Variants in PHIP observed in about 807,000 individuals in gnomAD.
The protein encoded by PHIP is PHIP subunit of CUL4-Ring ligase complex.
A neutral mutation model predicts 236.8 loss-of-function variants in PHIP; 54 were observed. The observed-to-expected ratio is 0.23, with a 90% CI of 0.18 to 0.29. The LOEUF (loss-of-function observed/expected upper bound fraction) is 0.29. Ranked by LOEUF, PHIP falls within the 10% of genes least tolerant of loss-of-function variation. The probability of loss-of-function intolerance (pLI) is 1.00; values close to 1 mark genes in which losing one functional copy is unlikely to be tolerated. For missense variants in PHIP, 1,370 were observed against 2,190.8 expected (o/e 0.63, Z 7.48); for synonymous variants, 756 against 718.9 (o/e 1.05, Z -0.83).
rs192944755 is a variant in PHIP at position 78,998,518 on chromosome 6, A to G, written c.1880-127T>C. On this transcript the variant is annotated intron_variant, in intron 17 of 39. Coordinates refer to ENST00000275034, the MANE Select transcript of PHIP (RefSeq NM_017934.7). ...CTTGGGTAAAAGACTTAAATGATCA[A>G]CTATAAATGATGGGAGTTAAAAAAA... 1.3e-5 allele frequency: 8 copies of G among 611,768 alleles called. No homozygotes were observed. The East Asian group carries it at 2.3e-4, about 18-fold the overall frequency. The allele number at this position is 611,768 out of a possible 1,614,324, so 37.9% of individuals were successfully genotyped here.
chr6:79,053,111 C>T (rs529426357), intron 6 of PHIP, among the ~76,000 whole-genome samples: 132 of 152,006 alleles, frequency 8.7e-4, no homozygotes, highest in Non-Finnish European at 1.6e-3. Flanking sequence ...GTCACGAGTT[C>T]GAGACCAGCC....
chr6:78,946,043 A>T lies in PHIP; in HGVS notation c.4588T>A (p.Phe1530Ile). The T allele has an allele frequency of 6.2e-7, 1 of 1,612,288 alleles. No individual in the cohort carries two copies. The highest frequency in any genetic ancestry group is 8.5e-7 in the Non-Finnish European group (1 of 1,178,344). The stretch of plus-strand genomic sequence containing the variant: ...GCAGATGCATTAGCTTTTGTAATAA[A>T]AGTCTTTGCAGCTGAAGAAGTAGAT... ...QPSTSSAAKT[F>I]ITKANASAIP... is the part of the protein sequence containing the mutation. The change falls in exon 38 of 40, where the codon TTT becomes ATT. Residue 1530 changes from phenylalanine (F) to isoleucine (I), a missense_variant. By Grantham distance (21) the Phe-to-Ile change is conservative. This residue lies in a region of PHIP where 309 missense variants were observed against 328.3 expected (regional missense o/e 0.94). Transcript: ENST00000275034.
chr6:78,969,581 CTT>C (rs1344496720), intron 27 of PHIP, among the ~76,000 whole-genome samples: 2 of 152,044 alleles, frequency 1.3e-5, no homozygotes, highest in Non-Finnish European at 2.9e-5. Flanking sequence ...AAAAATTTAA[CTT>C]AACATGTAAA....
chr6:78,988,100 C>T, intron 21 of PHIP, 109 bp downstream of exon 21: 1 of 698,388 alleles, frequency 1.4e-6, no homozygotes, highest in Non-Finnish European at 2.1e-6. Context: ...CCCAAAATGC[C>T]ATATTTAAGC....
chr6:78,966,988 T>C (rs545826196), intron 27 of PHIP, among the ~76,000 whole-genome samples: 11 of 152,388 alleles, frequency 7.2e-5, no homozygotes, highest in South Asian at 2.1e-4. Flanking sequence ...TTTTGACTAA[T>C]GAGTTCTATT....
chr6:79,066,049 TATA>T (rs901218115), intron 4 of PHIP, among the ~76,000 whole-genome samples: 17 of 152,038 alleles, frequency 1.1e-4, no homozygotes, highest in Admixed American at 9.2e-4. Context: ...TTTAAAATAA[TATA>T]ATAATAAAAT....
At chr6:79,019,208 G>T in intron 9 of PHIP, 49 bp from the exon 10 acceptor site, 2 of 1,294,382 alleles carry the variant, frequency 1.5e-6, no homozygotes, top group Non-Finnish European at 2.2e-6. Context: ...GGAACCAGTA[G>T]CAGCAGAAAT....
chr6:79,077,408 CAG>C (rs1288965535), intron 4 of PHIP, 38 bp downstream of exon 4: 4 of 1,531,750 alleles, frequency 2.6e-6, no homozygotes, highest in African/African-American at 2.8e-5. Context: ...TTATTCGACT[CAG>C]GGAAAAGTTT....
intron 7 of PHIP, 115 bp from the exon 8 acceptor site, chr6:79,026,279 CAA>C: frequency 1.3e-6 from 1 of 769,644 alleles, no homozygotes; most frequent in South Asian, 1.7e-5. Context: ...TTTTAAATAC[CAA>C]AAAGTGTTAA....
At chr6:79,019,461 T>C (rs1212017356) in intron 9 of PHIP, among the ~76,000 whole-genome samples, 1 of 152,086 alleles carries the variant, frequency 6.6e-6, no homozygotes, top group Non-Finnish European at 1.5e-5. Flanking sequence ...TTTAACATGT[T>C]CTCAGTTTTT....
In PHIP at chr6:78,974,108, T is replaced by G. The variant is rs1284614030; in HGVS notation, c.2890-3220A>C. 2.0e-5 allele frequency among the ~76,000 whole-genome samples: 3 copies of G among 151,942 alleles called. No homozygotes were observed. In the East Asian group the frequency reaches 5.8e-4, roughly 29 times the overall value. On this transcript the variant is annotated intron_variant, in intron 24 of 39. Coordinates refer to ENST00000275034, the MANE Select transcript of PHIP (RefSeq NM_017934.7). ...GCACCACACCACACCTATTCCAAAA[T>G]TGACCACATACTTGGAAGTAAAGCT...
intron 35 of PHIP, among the ~76,000 whole-genome samples, chr6:78,954,469 CT>C (rs1349473658): frequency 6.6e-6 from 1 of 151,834 alleles, no homozygotes; most frequent in Non-Finnish European, 1.5e-5. Context: ...AGGCATTATT[CT>C]TTTTTTCTAG....
intron 27 of PHIP, among the ~76,000 whole-genome samples, chr6:78,969,107 TTTTC>T (rs374868555): frequency 1.1e-4 from 17 of 152,214 alleles, no homozygotes; most frequent in African/African-American, 1.9e-4. Flanking sequence ...GAGATGTAAA[TTTTC>T]TTTCTAACTT....
chr6:78,999,672 T>A lies in PHIP; in HGVS notation c.1880-1281A>T, dbSNP rs558640641. Among the ~76,000 whole-genome samples the A allele has an allele frequency of 6.6e-5, 10 of 152,186 alleles. No homozygotes were observed. The East Asian group carries it at 1.9e-3, about 29-fold the overall frequency. On this transcript the variant is annotated intron_variant, in intron 17 of 39. Coordinates refer to ENST00000275034, the MANE Select transcript of PHIP (RefSeq NM_017934.7). ...AGCCATACAAGTATATGAGAAGATCTGATCAGCTCAGAATTTTAGGGTGGG... is the reference window on the plus strand; with the variant it reads ...AGCCATACAAGTATATGAGAAGATCAGATCAGCTCAGAATTTTAGGGTGGG...
intron 6 of PHIP, among the ~76,000 whole-genome samples, chr6:79,052,761 TGAAAA>T (rs1190731552): frequency 6.6e-6 from 1 of 152,122 alleles, no homozygotes; most frequent in Non-Finnish European, 1.5e-5. Flanking sequence ...TATAAAAACT[TGAAAA>T]GAACACACCA....
At position 79,078,225 on chromosome 6, in the gene PHIP, G is replaced by A. The variant is rs985352498; in HGVS notation, c.-157C>T. ...CGGCGGCGGAGGCGGAGGAGGAGGAGGAGGAAACAACAACTCTCAGGCAGC... is the reference window on the plus strand; with the variant it reads ...CGGCGGCGGAGGCGGAGGAGGAGGAAGAGGAAACAACAACTCTCAGGCAGC... On this transcript the variant is annotated 5_prime_UTR_variant, in exon 1 of 40. Transcript: ENST00000275034. The A allele has an allele frequency of 6.0e-6, 4 of 665,706 alleles. No individual in the cohort carries two copies. The highest frequency in any genetic ancestry group is 7.7e-6 in the Non-Finnish European group (3 of 389,932). The allele number at this position is 665,706 out of a possible 1,614,324, so 41.2% of individuals were successfully genotyped here.
At chr6:78,998,468 A>C (rs1769769724) in intron 17 of PHIP, 77 bp from the exon 18 acceptor site, 1 of 1,144,202 alleles carries the variant, frequency 8.7e-7, no homozygotes, top group Admixed American at 2.0e-5. Context: ...CTCACTTATG[A>C]GTTCAGAATT....
intron 24 of PHIP, among the ~76,000 whole-genome samples, chr6:78,973,677 A>G (rs1582142471): frequency 6.6e-6 from 1 of 151,166 alleles, no homozygotes; most frequent in East Asian, 1.9e-4. Flanking sequence ...AAAAGGATGG[A>G]GGAAGATGTA....
intron 19 of PHIP, 87 bp downstream of exon 19, chr6:78,997,327 A>G: frequency 8.7e-7 from 1 of 1,153,022 alleles, no homozygotes; most frequent in South Asian, 1.4e-5. Context: ...GAGGAATTAC[A>G]GAGCTGAAAA....
Sources: allele counts gnomAD v4.1 joint callset (sites outside exome capture counted in the v4.1 genomes callset), GRCh38; gene constraint gnomAD v4.1.1; regional missense constraint gnomAD v4.1.1; transcripts MANE v1.5; gene names NCBI Gene and HGNC (gene_info 2026-07-23, HGNC 2026-07-21).